BMPR1A: variants seen among roughly 807,000 people sequenced by gnomAD.
The protein encoded by BMPR1A is bone morphogenetic protein receptor type-1A.
A neutral mutation model predicts 66.0 loss-of-function variants in BMPR1A; 7 were observed. That is an observed-to-expected ratio of 0.11 (90% confidence interval 0.06 to 0.20). The LOEUF is 0.20. Ranked by LOEUF, BMPR1A falls within the 10% of genes least tolerant of loss-of-function variation. The pLI is 1.00. For synonymous variants in BMPR1A, 200 were observed against 229.7 expected, an observed-to-expected ratio of 0.87 and a Z score of 1.17; for missense variants, 408 against 669.1, an observed-to-expected ratio of 0.61 and a Z score of 4.31.
chr10:86,802,473 T>C (rs1002791715), intron 1 of BMPR1A, among the ~76,000 whole-genome samples: 16 of 152,308 alleles, frequency 1.1e-4, no homozygotes, highest in African/African-American at 3.8e-4. Flanking sequence ...TGAATGACTA[T>C]GATGTAAAGG....
chr10:86,797,068 C>CTTTTTTTTTTTTTTTTT (rs780930060), intron 1 of BMPR1A, among the ~76,000 whole-genome samples: 5 of 105,038 alleles, frequency 4.8e-5, no homozygotes, highest in Admixed American at 2.1e-4. Flanking sequence ...CTTTTCTTTT[C>CTTTTTTTTTTTTTTTTT]TTTTTTTTTT....
chr10:86,928,896 C>G (rs904782412), downstream of BMPR1A: 1 of 152,008 alleles, frequency 6.6e-6, no homozygotes, highest in Non-Finnish European at 1.5e-5. Context: ...CTCAAGTGAT[C>G]TGCCTACCTC....
intron 2 of BMPR1A, among the ~76,000 whole-genome samples, chr10:86,847,538 C>G (rs1044941331): frequency 2.6e-5 from 4 of 151,366 alleles, no homozygotes; most frequent in Non-Finnish European, 5.9e-5. Flanking sequence ...TTAAAATGAT[C>G]TTTTTTTTAT....
At chr10:86,790,306 A>C (rs551698314) in intron 1 of BMPR1A, among the ~76,000 whole-genome samples, 16 of 148,044 alleles carry the variant, frequency 1.1e-4, no homozygotes, top group African/African-American at 3.5e-4. Context: ...ATAATAACAA[A>C]TGCTGGTAAG....
At chr10:86,856,284 C>CT in intron 2 of BMPR1A, 1 of 508,812 alleles carries the variant, frequency 2.0e-6, no homozygotes, top group Non-Finnish European at 3.9e-6. Context: ...TGTTTAGTAC[C>CT]TGTGGCATTT....
chr10:86,889,914 G>A, intron 3 of BMPR1A, 148 bp from the exon 4 acceptor site: 1 of 860,744 alleles, frequency 1.2e-6, no homozygotes, highest in South Asian at 1.7e-5. Context: ...TCTGTTTGTT[G>A]TATGAATGAA....
At chr10:86,758,730 C>A (rs778884616) in intron 1 of BMPR1A, among the ~76,000 whole-genome samples, 2 of 152,180 alleles carry the variant, frequency 1.3e-5, no homozygotes, top group Non-Finnish European at 2.9e-5. Flanking sequence ...CCTGCCTTTG[C>A]CTGGTTGGTG....
At chr10:86,839,996 A>G (rs1247063348) in intron 2 of BMPR1A, among the ~76,000 whole-genome samples, 2 of 152,144 alleles carry the variant, frequency 1.3e-5, no homozygotes, top group Admixed American at 6.5e-5. Context: ...AGAATAATAG[A>G]TCTTTGGAAA....
chr10:86,864,720 C>CAATT (rs1485140253), intron 2 of BMPR1A, among the ~76,000 whole-genome samples: 12 of 152,154 alleles, frequency 7.9e-5, no homozygotes, highest in Admixed American at 7.9e-4. Context: ...CTGGGTCTCC[C>CAATT]AATTCTGTCC....
chr10:86,890,277 A>C (rs781655136), intron 4 of BMPR1A, 53 bp downstream of exon 4: 8 of 1,597,968 alleles, frequency 5.0e-6, no homozygotes, highest in Non-Finnish European at 5.1e-6. Context: ...AGTTGCATTT[A>C]GTGCTATTTT....
intron 2 of BMPR1A, among the ~76,000 whole-genome samples, chr10:86,853,220 T>C (rs1842595806): frequency 6.6e-6 from 1 of 151,896 alleles, no homozygotes; most frequent in African/African-American, 2.4e-5. Flanking sequence ...TTAGAGAAAT[T>C]GGATTTGTAA....
At chr10:86,844,149 T>G (rs1214299129) in intron 2 of BMPR1A, among the ~76,000 whole-genome samples, 1 of 152,210 alleles carries the variant, frequency 6.6e-6, no homozygotes, top group Non-Finnish European at 1.5e-5. Flanking sequence ...CTTAATTTGT[T>G]TATGTGCAAC....
intron 1 of BMPR1A, among the ~76,000 whole-genome samples, chr10:86,789,876 G>C (rs1245031646): frequency 6.6e-6 from 1 of 151,382 alleles, no homozygotes; most frequent in Admixed American, 6.6e-5. Flanking sequence ...TAAATCAAAG[G>C]CTGGGCACGG....
chr10:86,931,928 CAT>C (rs1168894323), downstream of BMPR1A: 4 of 152,180 alleles, frequency 2.6e-5, no homozygotes, highest in Admixed American at 2.0e-4. Flanking sequence ...CTATGCTTCT[CAT>C]ATGTTTCATC....
intron 1 of BMPR1A, among the ~76,000 whole-genome samples, chr10:86,791,375 G>A (rs544993921): frequency 1.3e-5 from 2 of 152,054 alleles, no homozygotes; most frequent in African/African-American, 4.8e-5. Context: ...ACCATGCCTG[G>A]CTAATTTTTT....
At chr10:86,872,146 A>G (rs1842862069) in intron 2 of BMPR1A, among the ~76,000 whole-genome samples, 3 of 152,198 alleles carry the variant, frequency 2.0e-5, no homozygotes, top group Admixed American at 2.0e-4. Flanking sequence ...GCTGTTCTCC[A>G]TACAAGTTAT....
chr10:86,779,603 CTTTA>C (rs535234322), intron 1 of BMPR1A, among the ~76,000 whole-genome samples: 1 of 152,076 alleles, frequency 6.6e-6, no homozygotes, highest in African/African-American at 2.4e-5. Context: ...TGCTGTTGAG[CTTTA>C]TTTATTTATT....
At chr10:86,874,670 G>A (rs189916201) in intron 2 of BMPR1A, among the ~76,000 whole-genome samples, 235 of 146,726 alleles carry the variant, frequency 1.6e-3, no homozygotes, top group Middle Eastern at 7.5e-3. Context: ...GCCTCTCAAA[G>A]TGCTGGGATT....
intron 5 of BMPR1A, among the ~76,000 whole-genome samples, chr10:86,896,087 G>A (rs1213491184): frequency 6.6e-6 from 1 of 151,836 alleles, no homozygotes; most frequent in Admixed American, 6.6e-5. Flanking sequence ...CCAGGAGTTG[G>A]AGGTTGCAGT....
Sources: allele counts gnomAD v4.1 joint callset (sites outside exome capture counted in the v4.1 genomes callset), GRCh38; gene constraint gnomAD v4.1.1; transcripts MANE v1.5; gene names NCBI Gene and HGNC (gene_info 2026-07-23, HGNC 2026-07-21).